Variants in NEO1 observed in about 807,000 individuals in gnomAD.
The protein encoded by NEO1 is neogenin.
Under a neutral mutation model 159.7 loss-of-function variants are expected in NEO1, and 63 were observed. The ratio of observed to expected loss-of-function variants is 0.39; its 90% confidence interval spans 0.32 to 0.49. The LOEUF (loss-of-function observed/expected upper bound fraction) is 0.49, where lower values mean the gene tolerates loss of function less well. Among genes scored for constraint, NEO1 ranks in the 20% least tolerant of loss-of-function variants. NEO1 has a pLI of 0.85. For missense variants in NEO1, 1,615 were observed against 1,831.0 expected (o/e 0.88, Z 2.15); for synonymous variants, 633 against 662.0 (o/e 0.96, Z 0.67).
rs759796254 is a variant in NEO1, at chr15:73,135,902, T to G, written c.890T>G (p.Leu297Trp). 6 of 1,576,108 alleles carry G rather than the reference T, an allele frequency of 3.8e-6. No homozygotes were observed. The East Asian group carries it at 9.0e-5, about 24-fold the overall frequency. The change falls in exon 5 of 29, where the codon TTG (leucine) becomes TGG (tryptophan). Residue 297 changes from leucine (L) to tryptophan (W), a missense_variant. Transcript: ENST00000261908. ...EALDTESSER[L>W]VLLAGGSLEI... Reference sequence around the variant, plus strand: ...TTTTTTTAACACAGCTCTGAAAGATTGGTATTGCTGGCAGGTGGTAGCCTG... The same window carrying G: ...TTTTTTTAACACAGCTCTGAAAGATGGGTATTGCTGGCAGGTGGTAGCCTG...
chr15:73,202,610 A>G (rs1032994341), intron 7 of NEO1, among the ~76,000 whole-genome samples: 13 of 152,106 alleles, frequency 8.5e-5, no homozygotes, highest in Admixed American at 3.3e-4. Flanking sequence ...TCCTGCTAAT[A>G]TTTTCCCCCA....
intron 5 of NEO1, among the ~76,000 whole-genome samples, chr15:73,175,018 T>C (rs2035203173): frequency 6.6e-6 from 1 of 152,170 alleles, no homozygotes; most frequent in Non-Finnish European, 1.5e-5. Context: ...ACTGTTGTTC[T>C]TCATTTACCT....
At chr15:73,253,587 C>A in intron 12 of NEO1, 138 bp downstream of exon 12, 1 of 523,184 alleles carries the variant, frequency 1.9e-6, no homozygotes, top group Non-Finnish European at 3.3e-6. Context: ...TTTAAAAATA[C>A]CAAACCTATA....
chr15:73,234,714 A>G (rs2039083355), intron 7 of NEO1, among the ~76,000 whole-genome samples: 1 of 152,174 alleles, frequency 6.6e-6, no homozygotes, highest in Admixed American at 6.5e-5. Flanking sequence ...CTGCACTCTT[A>G]AAAGCACTAC....
intron 1 of NEO1, among the ~76,000 whole-genome samples, chr15:73,090,836 CT>C (rs1385818165): frequency 6.6e-6 from 1 of 152,080 alleles, no homozygotes; most frequent in Non-Finnish European, 1.5e-5. Context: ...AAATTACACC[CT>C]ATAGCATATT....
intron 8 of NEO1, 145 bp downstream of exon 8, chr15:73,236,651 T>G (rs1275653089): frequency 9.8e-6 from 7 of 715,776 alleles, no homozygotes; most frequent in Non-Finnish European, 1.7e-5. Context: ...TTTAGGTCAT[T>G]AAATAAACTC....
At chr15:73,197,606 A>C (rs1025119331) in intron 7 of NEO1, among the ~76,000 whole-genome samples, 4 of 152,130 alleles carry the variant, frequency 2.6e-5, no homozygotes, top group Non-Finnish European at 4.4e-5. Context: ...ATCAGCAGGA[A>C]ACATTTGTGT....
chr15:73,165,144 G>A (rs1401943715), intron 5 of NEO1, among the ~76,000 whole-genome samples: 10 of 139,936 alleles, frequency 7.1e-5, no homozygotes, highest in African/African-American at 2.6e-4. Context: ...ATGTTGCCTA[G>A]ACTCCAGTCT....
intron 7 of NEO1, among the ~76,000 whole-genome samples, chr15:73,209,359 G>A (rs1299570265): frequency 6.6e-6 from 1 of 152,086 alleles, no homozygotes; most frequent in Non-Finnish European, 1.5e-5. Flanking sequence ...TTTTGTTAGT[G>A]TTTTTATTTT....
chr15:73,098,594 G>A (rs147211755), intron 1 of NEO1, among the ~76,000 whole-genome samples: 3 of 152,182 alleles, frequency 2.0e-5, no homozygotes, highest in African/African-American at 7.2e-5. Context: ...ACAGTCTTGC[G>A]TACAACTGCA....
chr15:73,058,802 C>T (rs2067841960), intron 1 of NEO1, among the ~76,000 whole-genome samples: 1 of 152,140 alleles, frequency 6.6e-6, no homozygotes, highest in South Asian at 2.1e-4. Context: ...TTCTGCCTTC[C>T]AGGTTTCTCT....
intron 27 of NEO1, among the ~76,000 whole-genome samples, chr15:73,298,885 G>GT (rs982955380): frequency 9.8e-5 from 15 of 152,292 alleles, no homozygotes; most frequent in African/African-American, 3.6e-4. Context: ...ACCTTTGGTG[G>GT]TAAGTCCAAT....
intron 7 of NEO1, among the ~76,000 whole-genome samples, chr15:73,204,630 G>C (rs1292513359): frequency 1.3e-5 from 2 of 151,840 alleles, no homozygotes; most frequent in African/African-American, 2.4e-5. Context: ...TTTTTTTACA[G>C]TTCTGTCTCT....
chr15:73,294,356 T>C (rs1182669915), intron 26 of NEO1, among the ~76,000 whole-genome samples: 1 of 152,194 alleles, frequency 6.6e-6, no homozygotes. Flanking sequence ...CAACATATTA[T>C]TTTTCCACCA....
At chr15:73,288,940 GCATTGTGACATCCA>G (rs1038772428) in intron 24 of NEO1, 192 bp from the exon 25 acceptor site, 3 of 578,064 alleles carry the variant, frequency 5.2e-6, no homozygotes, top group Non-Finnish European at 9.3e-6. Flanking sequence ...ATGGTGGGCA[GCATTGTGACATCCA>G]CATTGATTCA....
chr15:73,300,969 GC>G (rs1250883781), intron 27 of NEO1, among the ~76,000 whole-genome samples: 8 of 152,136 alleles, frequency 5.3e-5, no homozygotes, highest in Non-Finnish European at 1.2e-4. Flanking sequence ...ACCCACTATT[GC>G]CTTTGTATCC....
At chr15:73,094,017 A>G (rs1034532149) in intron 1 of NEO1, among the ~76,000 whole-genome samples, 6 of 152,176 alleles carry the variant, frequency 3.9e-5, no homozygotes, top group African/African-American at 1.4e-4. Flanking sequence ...TTCTTGCCTA[A>G]TTTTAGAATT....
chr15:73,137,227 T>C (rs1744571435), intron 5 of NEO1, among the ~76,000 whole-genome samples: 1 of 152,166 alleles, frequency 6.6e-6, no homozygotes, highest in Admixed American at 6.5e-5. Context: ...TAATGTATGC[T>C]ATCTCATAGA....
At chr15:73,107,779 C>T (rs2070765485) in intron 1 of NEO1, among the ~76,000 whole-genome samples, 2 of 152,306 alleles carry the variant, frequency 1.3e-5, no homozygotes, top group African/African-American at 2.4e-5. Flanking sequence ...GAAAAATACT[C>T]ATTTCAGAAA....
Sources: gnomAD v4.1 joint callset for allele counts (sites outside exome capture counted in the v4.1 genomes callset) on GRCh38, gnomAD v4.1.1 for gene constraint, MANE v1.5 for transcripts, NCBI Gene and HGNC (gene_info 2026-07-23, HGNC 2026-07-21) for gene names.